NTAQ1: variants seen among roughly 807,000 people sequenced by gnomAD.
NTAQ1 encodes N-terminal glutamine amidase 1, also known as protein N-terminal glutamine amidohydrolase.
NTAQ1 carries 21 observed loss-of-function variants against 28.2 expected under a neutral mutation model. The ratio of observed to expected loss-of-function variants is 0.74; its 90% CI spans 0.53 to 1.07. The LOEUF is 1.07. Among genes scored for constraint, NTAQ1 ranks in the 50% least tolerant of loss-of-function variants. The pLI, the probability that NTAQ1 is intolerant of heterozygous loss-of-function variation, is 0.00. For missense variants in NTAQ1, 264 were observed against 256.6 expected (o/e 1.03, Z -0.20); for synonymous variants, 105 against 90.0 (o/e 1.17, Z -0.94).
intron 2 of NTAQ1, among the ~76,000 whole-genome samples, chr8:123,429,221 G>A (rs1199448104): frequency 6.6e-6 from 1 of 152,130 alleles, no homozygotes; most frequent in East Asian, 1.9e-4. Context: ...TTTGATACCT[G>A]CCAGGACTTC....
downstream of NTAQ1, among the ~76,000 whole-genome samples, chr8:123,446,972 C>T (rs1214377520): frequency 1.3e-5 from 2 of 152,118 alleles, no homozygotes; most frequent in Admixed American, 6.6e-5. Context: ...CTGATTGCCG[C>T]CGAGCTGGGG....
chr8:123,452,084 T>A (rs1262170342), downstream of NTAQ1, among the ~76,000 whole-genome samples: 1 of 152,218 alleles, frequency 6.6e-6, no homozygotes, highest in East Asian at 1.9e-4. Context: ...GGCACCTCAT[T>A]CCAGCCTCTT....
At chr8:123,428,835 C>T (rs1320256660) in intron 2 of NTAQ1, among the ~76,000 whole-genome samples, 1 of 152,190 alleles carries the variant, frequency 6.6e-6, no homozygotes, top group Non-Finnish European at 1.5e-5. Context: ...CTCCTAACCT[C>T]AGGTGACCTG....
At chr8:123,453,765 A>G (rs1355483672) in intron 6 of NTAQ1, among the ~76,000 whole-genome samples, 2 of 152,178 alleles carry the variant, frequency 1.3e-5, no homozygotes, top group Admixed American at 1.3e-4. Flanking sequence ...TATGAACTCA[A>G]TCCTCAAAAC....
intron 6 of NTAQ1, among the ~76,000 whole-genome samples, chr8:123,462,914 A>T (rs1353365989): frequency 6.6e-6 from 1 of 152,238 alleles, no homozygotes; most frequent in Non-Finnish European, 1.5e-5. Context: ...TGACACTTTG[A>T]TCACGTTCTG....
intron 5 of NTAQ1, among the ~76,000 whole-genome samples, chr8:123,439,689 C>T (rs1403170371): frequency 6.6e-6 from 1 of 151,982 alleles, no homozygotes; most frequent in African/African-American, 2.4e-5. Flanking sequence ...GAGGTTTTGC[C>T]ATGTGGGCTA....
intron 3 of NTAQ1, 55 bp downstream of exon 3, chr8:123,430,088 G>A (rs1814307667): frequency 1.4e-6 from 2 of 1,416,358 alleles, no homozygotes; most frequent in South Asian, 2.5e-5. Flanking sequence ...ACCCCTTAGT[G>A]TTCTGTATGT....
downstream of NTAQ1, among the ~76,000 whole-genome samples, chr8:123,448,554 G>A (rs12547262): frequency 6.6e-6 from 1 of 152,092 alleles, no homozygotes; most frequent in Non-Finnish European, 1.5e-5. Flanking sequence ...GGGAGGTGGA[G>A]GTTGCAGTGA....
At position 123,436,953 on chromosome 8, in the gene NTAQ1, C is replaced by T. The variant is rs187337277; in HGVS notation, c.384-257C>T. Among the ~76,000 whole-genome samples, 8 of 152,202 alleles carry T rather than the reference C, an allele frequency of 5.3e-5. No homozygotes were observed. The East Asian group carries it at 1.5e-3, about 29-fold the overall frequency. On this transcript the variant is annotated intron_variant, in intron 4 of 5. Transcript: ENST00000287387. ...GTGAGGGCAGCATCAGAAAATCATG[C>T]CCATTGCCCTTGATACACAAATCGA...
intron 6 of NTAQ1, among the ~76,000 whole-genome samples, chr8:123,465,889 A>G (rs1815950334): frequency 6.6e-6 from 1 of 152,066 alleles, no homozygotes; most frequent in South Asian, 2.1e-4. Flanking sequence ...AGCCAGCATG[A>G]CATCTTTGAG....
chr8:123,422,153 A>G (rs769422164), intron 1 of NTAQ1, among the ~76,000 whole-genome samples: 2 of 151,870 alleles, frequency 1.3e-5, no homozygotes, highest in Admixed American at 6.6e-5. Context: ...TCCTTGGCCT[A>G]TTTTTTAATG....
intron 6 of NTAQ1, among the ~76,000 whole-genome samples, chr8:123,459,465 A>G (rs1007218966): frequency 2.0e-5 from 3 of 152,112 alleles, no homozygotes; most frequent in Admixed American, 2.0e-4. Flanking sequence ...GCCCTTCCCC[A>G]TCTCTAAAGA....
intron 3 of NTAQ1, among the ~76,000 whole-genome samples, chr8:123,430,822 G>A (rs941874898): frequency 9.2e-5 from 14 of 152,182 alleles, no homozygotes; most frequent in African/African-American, 3.1e-4. Flanking sequence ...TAAATCTAGA[G>A]AGGGGTTCAG....
At chr8:123,427,532 T>G (rs1814139257) in intron 1 of NTAQ1, among the ~76,000 whole-genome samples, 1 of 152,150 alleles carries the variant, frequency 6.6e-6, no homozygotes, top group Non-Finnish European at 1.5e-5. Flanking sequence ...CCTCCCAAAG[T>G]GCTGGGATTA....
intron 6 of NTAQ1, among the ~76,000 whole-genome samples, chr8:123,453,691 G>T (rs2130388544): frequency 6.6e-6 from 1 of 152,284 alleles, no homozygotes; most frequent in African/African-American, 2.4e-5. Context: ...CTCCCAAAGT[G>T]CTGGGATTAC....
At chr8:123,452,688 G>A (rs1444575751), downstream of NTAQ1, among the ~76,000 whole-genome samples, 3 of 151,794 alleles carry the variant, frequency 2.0e-5, no homozygotes, top group Non-Finnish European at 4.4e-5. Context: ...GATCACCTGA[G>A]GTCAGGCATT....
chr8:123,461,336 C>A (rs999260812), intron 6 of NTAQ1, among the ~76,000 whole-genome samples: 1 of 152,282 alleles, frequency 6.6e-6, no homozygotes, highest in Admixed American at 6.5e-5. Flanking sequence ...CCTTGACTCA[C>A]GTCCCCACTC....
exon 7 of NTAQ1, among the ~76,000 whole-genome samples, chr8:123,467,894 C>T (rs1351964565): frequency 5.3e-5 from 8 of 152,278 alleles, no homozygotes; most frequent in African/African-American, 1.2e-4. Context: ...GGGTCACAGG[C>T]GCCAGCCACC....
downstream of NTAQ1, among the ~76,000 whole-genome samples, chr8:123,451,012 G>A (rs1033233027): frequency 1.3e-5 from 2 of 152,238 alleles, no homozygotes; most frequent in East Asian, 3.9e-4. Context: ...TCTGGATTAC[G>A]GCTGTCTCTG....
Sources: allele counts gnomAD v4.1 joint callset (sites outside exome capture counted in the v4.1 genomes callset), GRCh38; gene constraint gnomAD v4.1.1; transcripts MANE v1.5; gene names NCBI Gene and HGNC (gene_info 2026-07-23, HGNC 2026-07-21).